The following LRRC8B variants were observed in gnomAD, a reference collection of about 807,000 sequenced individuals.
LRRC8B encodes the protein volume-regulated anion channel subunit LRRC8B.
LRRC8B carries 23 observed loss-of-function variants against 58.8 expected under a neutral mutation model. The observed-to-expected ratio is 0.39, with a 90% CI of 0.28 to 0.55. The LOEUF (loss-of-function observed/expected upper bound fraction) is 0.55. LRRC8B is among the 20% of genes least tolerant of loss of function. The pLI is 0.62. For synonymous variants in LRRC8B, 359 were observed against 374.1 expected, an observed-to-expected ratio of 0.96 and a Z score of 0.47; for missense variants, 694 against 936.0, an observed-to-expected ratio of 0.74 and a Z score of 3.37.
chr1:89,538,329 A>T (rs1476682807), intron 1 of LRRC8B, among the ~76,000 whole-genome samples: 1 of 152,232 alleles, frequency 6.6e-6, no homozygotes, highest in African/African-American at 2.4e-5. Context: ...TTCCTTATAG[A>T]TGAAATTTTG....
intron 5 of LRRC8B, among the ~76,000 whole-genome samples, chr1:89,589,538 T>G (rs1054830711): frequency 3.4e-5 from 5 of 148,898 alleles, no homozygotes; most frequent in African/African-American, 1.2e-4. Flanking sequence ...CACCTAGGTC[T>G]TCTTACTTCC....
chr1:89,573,990 G>A (rs1653654518), intron 3 of LRRC8B, among the ~76,000 whole-genome samples: 1 of 152,162 alleles, frequency 6.6e-6, no homozygotes, highest in Non-Finnish European at 1.5e-5. Context: ...TCCAAGGCTG[G>A]GCCTTAAGAG....
rs1200915508 is a variant in LRRC8B at position 89,597,285 on chromosome 1, A to G, written c.*4242A>G. 1 of 152,220 alleles carries G rather than the reference A, an allele frequency of 6.6e-6. No individual in the cohort carries two copies. The allele number at this position is 152,220 out of a possible 1,614,324, so 9.4% of individuals were successfully genotyped here. Reference sequence around the variant, plus strand: ...TTAACATAGAATAATGAGCCAAAGTACTGAGTCGAGATGGCTTTCAGTTGA... The same window carrying G: ...TTAACATAGAATAATGAGCCAAAGTGCTGAGTCGAGATGGCTTTCAGTTGA... On this transcript the variant is annotated 3_prime_UTR_variant, in exon 6 of 6. Transcript: ENST00000330947.
intron 1 of LRRC8B, among the ~76,000 whole-genome samples, chr1:89,540,259 A>C (rs1202213919): frequency 6.6e-6 from 1 of 152,230 alleles, no homozygotes; most frequent in African/African-American, 2.4e-5. Context: ...TACATGAATC[A>C]AATATTTGGA....
At chr1:89,569,506 A>G (rs1015755098) in intron 3 of LRRC8B, among the ~76,000 whole-genome samples, 1 of 151,918 alleles carries the variant, frequency 6.6e-6, no homozygotes, top group African/African-American at 2.4e-5. Flanking sequence ...TGTTGTTCCC[A>G]TCTTTATATC....
intron 1 of LRRC8B, among the ~76,000 whole-genome samples, chr1:89,554,474 G>A (rs1652036412): frequency 6.6e-6 from 1 of 152,104 alleles, no homozygotes; most frequent in Non-Finnish European, 1.5e-5. Context: ...TTTCACCAAT[G>A]CATAAGCTCC....
intron 1 of LRRC8B, among the ~76,000 whole-genome samples, chr1:89,549,748 T>C (rs1041451938): frequency 6.6e-6 from 1 of 152,244 alleles, no homozygotes; most frequent in Non-Finnish European, 1.5e-5. Context: ...GGAAGGAAGG[T>C]ATTAAATGAG....
intron 3 of LRRC8B, among the ~76,000 whole-genome samples, chr1:89,578,808 G>A (rs1654030410): frequency 6.6e-6 from 1 of 151,842 alleles, no homozygotes; most frequent in Non-Finnish European, 1.5e-5. Flanking sequence ...ACAAATTCTA[G>A]CATTTTACAA....
In LRRC8B at chr1:89,583,040, C is replaced by T. The variant is rs372471998; in HGVS notation, c.390C>T (p.Leu130=). 3.1e-6 allele frequency: 5 copies of T among 1,614,208 alleles called. No homozygotes were observed. In the South Asian group the frequency reaches 3.3e-5, roughly 11 times the overall value. The change falls in exon 5 of 6, where the codon CTC becomes CTT. Residue 130 remains leucine (L), a synonymous_variant. Transcript: ENST00000330947. The surrounding 1 kb of genome is among the most constrained non-coding windows in gnomAD (Gnocchi z 5.2). ...CCTATCTGGTGCTCTTGCACACGCT[C>T]ATCTTTGCAGCCTGCAGCAACTTTT... ...FFPYLVLLHT[L]IFAACSNFWL...
chr1:89,580,377 C>T (rs570386371), intron 4 of LRRC8B, among the ~76,000 whole-genome samples: 1 of 152,138 alleles, frequency 6.6e-6, no homozygotes, highest in Non-Finnish European at 1.5e-5. Context: ...TTAATATGGC[C>T]AGATGTTATA....
At chr1:89,564,420 T>C (rs1403972617) in intron 1 of LRRC8B, among the ~76,000 whole-genome samples, 6 of 152,230 alleles carry the variant, frequency 3.9e-5, no homozygotes, top group Non-Finnish European at 5.9e-5. Context: ...CTCCTTTTTA[T>C]ATAGCTCCTT....
At chr1:89,564,030 G>A (rs1470269370) in intron 1 of LRRC8B, among the ~76,000 whole-genome samples, 1 of 152,190 alleles carries the variant, frequency 6.6e-6, no homozygotes, top group Admixed American at 6.5e-5. Flanking sequence ...GGTCATATAT[G>A]GGTAATATGG....
rs1007190210 is a variant in LRRC8B at position 89,594,781 on chromosome 1, GT to G, written c.*1743del. On this transcript the variant is annotated 3_prime_UTR_variant, in exon 6 of 6. Coordinates refer to ENST00000330947, the MANE Select transcript of LRRC8B (RefSeq NM_001369817.2). ...TTTGGGAAATGTACATCTTTAATAT[GT>G]TTTTCCCTAAGGGTCTAGGCATTAT... is the stretch of plus-strand genomic sequence containing the variant. 3.3e-5 allele frequency: 5 copies of G among 152,054 alleles called. No homozygotes were observed. Among genetic ancestry groups the G allele is most frequent in the African/African-American group, 1.2e-4 (5 of 41,398 alleles). The allele number at this position is 152,054 out of a possible 1,614,324, so 9.4% of individuals were successfully genotyped here. A position where few individuals can be genotyped will look rare whatever the true frequency, so the allele number is the denominator to read the frequency against.
intron 5 of LRRC8B, among the ~76,000 whole-genome samples, chr1:89,585,003 G>C (rs916131934): frequency 6.6e-6 from 1 of 152,174 alleles, no homozygotes; most frequent in Non-Finnish European, 1.5e-5. Context: ...ATTTGGCACA[G>C]TTCCTGGCAC....
intron 3 of LRRC8B, among the ~76,000 whole-genome samples, chr1:89,571,918 G>A (rs1653502885): frequency 6.6e-6 from 1 of 152,088 alleles, no homozygotes; most frequent in Admixed American, 6.5e-5. Flanking sequence ...ATATCTATCA[G>A]GTCCATTTGA....
chr1:89,564,337 GTC>G (rs1024133322), intron 1 of LRRC8B, among the ~76,000 whole-genome samples: 3 of 152,118 alleles, frequency 2.0e-5, no homozygotes, highest in African/African-American at 7.2e-5. Flanking sequence ...TTTTTAAATT[GTC>G]TCTTTTAGTT....
At chr1:89,536,795 T>A (rs1402024114) in intron 1 of LRRC8B, among the ~76,000 whole-genome samples, 2 of 152,164 alleles carry the variant, frequency 1.3e-5, no homozygotes, top group Admixed American at 1.3e-4. Context: ...GAGTTCAAAC[T>A]TTGAGTTTAT....
chr1:89,533,890 G>T (rs570862330), intron 1 of LRRC8B, among the ~76,000 whole-genome samples: 10 of 152,198 alleles, frequency 6.6e-5, no homozygotes, highest in Non-Finnish European at 1.2e-4. Flanking sequence ...TTGAAGGTTG[G>T]AAGTAACAAG....
In LRRC8B at chr1:89,564,262, C is replaced by G. The variant is rs557882441; in HGVS notation, c.-240-3985C>G. On this transcript the variant is annotated intron_variant, in intron 1 of 5. Coordinates refer to ENST00000330947, the MANE Select transcript of LRRC8B (RefSeq NM_001369817.2). The stretch of plus-strand genomic sequence containing the variant: ...ATAGGCAGCCAGGGTGGAGGAAGCA[C>G]TTGTTGGTTCTGTTTCACTAGATGG... Among the ~76,000 whole-genome samples the G allele has an allele frequency of 1.6e-3, 247 of 152,218 alleles. 1 individual carries two copies. Among genetic ancestry groups the G allele is most frequent in the African/African-American group, 5.7e-3 (238 of 41,540 alleles).
Sources: gnomAD v4.1 joint callset for allele counts (sites outside exome capture counted in the v4.1 genomes callset) on GRCh38, gnomAD v4.1.1 for gene constraint, Gnocchi (gnomAD v3.1) non-coding constraint, MANE v1.5 for transcripts, NCBI Gene and HGNC (gene_info 2026-07-23, HGNC 2026-07-21) for gene names.